Variants in PTPRU observed in about 807,000 individuals in gnomAD.
PTPRU encodes the protein receptor-type tyrosine-protein phosphatase U.
PTPRU carries 69 observed loss-of-function variants against 166.3 expected under a neutral mutation model. That is an observed-to-expected ratio of 0.41 (90% CI 0.34 to 0.51). The LOEUF (loss-of-function observed/expected upper bound fraction) is 0.51. Ranked by LOEUF, PTPRU falls within the 20% of genes least tolerant of loss-of-function variation. The pLI is 0.09. For synonymous variants in PTPRU, 793 were observed against 814.0 expected, an observed-to-expected ratio of 0.97 and a Z score of 0.44; for missense variants, 1,657 against 2,013.7, an observed-to-expected ratio of 0.82 and a Z score of 3.39.
At chr1:29,242,902 C>CTT (rs778731913) in intron 1 of PTPRU, among the ~76,000 whole-genome samples, 3 of 144,466 alleles carry the variant, frequency 2.1e-5, no homozygotes, top group Non-Finnish European at 4.6e-5. Context: ...CTCTCGGTTT[C>CTT]TTTTTTTTTT....
At chr1:29,303,011 A>G (rs1015704704) in intron 15 of PTPRU, among the ~76,000 whole-genome samples, 1 of 152,224 alleles carries the variant, frequency 6.6e-6, no homozygotes, top group South Asian at 2.1e-4. Flanking sequence ...AGGCTCTACT[A>G]TCTGAGTTTG....
Position 29,315,913 on chromosome 1 carries a change from G to A in PTPRU, c.3364-89G>A, listed in dbSNP as rs1316060207. ...GTTGGCCTCCACCTCAGGACACCCT[G>A]CTTCAACCTTGAGCTTGCTTAAGCC... On this transcript the variant is annotated intron_variant, in intron 23 of 29. Transcript: ENST00000373779. The surrounding 1 kb of genome is among the most constrained non-coding windows in gnomAD (Gnocchi z 4.5). The A allele has an allele frequency of 5.6e-5, 84 of 1,494,698 alleles. No individual in the cohort carries two copies. The highest frequency in any genetic ancestry group is 7.5e-5 in the Non-Finnish European group (83 of 1,100,308). 92.6% of individuals were successfully genotyped at this position (1,494,698 alleles called of 1,614,324 possible).
At chr1:29,242,901 TC>T (rs1314077304) in intron 1 of PTPRU, among the ~76,000 whole-genome samples, 1 of 151,790 alleles carries the variant, frequency 6.6e-6, no homozygotes, top group Non-Finnish European at 1.5e-5. Context: ...GCTCTCGGTT[TC>T]TTTTTTTTTT....
chr1:29,267,579 G>A (rs1184554872), intron 7 of PTPRU, among the ~76,000 whole-genome samples: 1 of 152,174 alleles, frequency 6.6e-6, no homozygotes, highest in Non-Finnish European at 1.5e-5. Flanking sequence ...ACAAAGGCCT[G>A]GAGGCTGGAG....
chr1:29,246,590 C>T (rs1203013383), intron 1 of PTPRU, among the ~76,000 whole-genome samples: 11 of 152,076 alleles, frequency 7.2e-5, no homozygotes, highest in Non-Finnish European at 1.6e-4. Context: ...AGAGCCCTTG[C>T]GTTGAATCCA....
rs548252511 is a variant in PTPRU at position 29,300,424 on chromosome 1, A to G, written c.2477-3431A>G. 1.3e-5 allele frequency among the ~76,000 whole-genome samples: 2 copies of G among 152,330 alleles called. 1 individual carries two copies. The highest frequency in any genetic ancestry group is 4.1e-4 in the South Asian group (2 of 4,824). ...CCTGTTTGTTTTTGTTTAAACCAGA[A>G]TTTCACAGACTCCTTTAAAACACAG... On this transcript the variant is annotated intron_variant, in intron 15 of 29. Transcript: ENST00000373779.
intron 15 of PTPRU, among the ~76,000 whole-genome samples, chr1:29,293,089 C>T (rs568471773): frequency 6.6e-6 from 1 of 152,236 alleles, no homozygotes; most frequent in Admixed American, 6.5e-5. Context: ...GAGCAATTCT[C>T]CTGGCTCAGC....
Position 29,275,463 on chromosome 1 carries a change from C to T in PTPRU, c.1160C>T (p.Pro387Leu). The change falls in exon 8 of 30, where the codon CCC becomes CTC. Residue 387 changes from proline to leucine, a missense_variant. By Grantham distance (98) the Pro-to-Leu change is moderately conservative. Transcript: ENST00000373779. ...CATTCTCCAGAGCCCATGAGGGCCC[C>T]CAAAGGCCTGGCTTTTGCTGAGATC... ...RTKCAEPMRAPKGLAFAEIQA... is the reference protein window; with the variant it reads ...RTKCAEPMRALKGLAFAEIQA... 1 of 1,613,778 alleles carries T rather than the reference C, an allele frequency of 6.2e-7. No homozygotes were observed.
chr1:29,297,153 C>T (rs1393062716), intron 15 of PTPRU, among the ~76,000 whole-genome samples: 1 of 147,516 alleles, frequency 6.8e-6, no homozygotes, highest in South Asian at 2.2e-4. Context: ...CTCCCGGGTT[C>T]AAGTGATTCT....
rs1285863998 is a variant in PTPRU at position 29,236,773 on chromosome 1, G to A, written c.73+56G>A. On this transcript the variant is annotated intron_variant, in intron 1 of 29. Coordinates refer to ENST00000373779, the MANE Select transcript of PTPRU (RefSeq NM_133178.4). This position sits in a 1 kb window ranked among gnomAD's most constrained non-coding sequence, Gnocchi z 4.6. The stretch of plus-strand genomic sequence containing the variant: ...CCCGCCGAGCCTCGGGGCCCGTGGC[G>A]TAGCTCGGAAGAAAGTGTGAGTGTT... The A allele has an allele frequency of 1.3e-5, 17 of 1,356,920 alleles. No individual in the cohort carries two copies. Among genetic ancestry groups the A allele is most frequent in the South Asian group, 4.9e-5 (3 of 61,628 alleles). 84.1% of individuals were successfully genotyped at this position (1,356,920 alleles called of 1,614,324 possible).
chr1:29,316,019 T>C lies in PTPRU; in HGVS notation c.3381T>C (p.Ile1127=). 3 of 1,614,090 alleles carry C rather than the reference T, an allele frequency of 1.9e-6. No homozygotes were observed. Among genetic ancestry groups the C allele is most frequent in the Non-Finnish European group, 2.5e-6 (3 of 1,179,986 alleles). ...TGTTCCAGGAGCAGTACATCTTCAT[T>C]CATGATGCAATCCTGGAGGCCTGCC... ...MIQTEEQYIF[I]HDAILEACLC... Residue 1127 remains isoleucine, a synonymous_variant, in exon 24 of 30, where the codon ATT becomes ATC. Coordinates refer to ENST00000373779, the MANE Select transcript of PTPRU (RefSeq NM_133178.4).
intron 18 of PTPRU, 99 bp from the exon 19 acceptor site, chr1:29,310,645 G>A (rs540299745): frequency 8.4e-5 from 107 of 1,271,018 alleles, no homozygotes; most frequent in Admixed American, 4.9e-4. Context: ...TTCCCTGGTG[G>A]GGTAGGGGTT....
chr1:29,242,264 G>A (rs756698682), intron 1 of PTPRU, among the ~76,000 whole-genome samples: 4 of 152,166 alleles, frequency 2.6e-5, no homozygotes, highest in Non-Finnish European at 5.9e-5. Flanking sequence ...TATCCAGGAT[G>A]TGTCCACAAG....
In PTPRU at chr1:29,315,220, G is replaced by C; in HGVS notation, c.3228-152G>C. The C allele has an allele frequency of 2.2e-6, 2 of 916,596 alleles. No individual in the cohort carries two copies. The highest frequency in any genetic ancestry group is 1.7e-5 in the South Asian group (1 of 60,576). 56.8% of individuals were successfully genotyped at this position (916,596 alleles called of 1,614,324 possible). On this transcript the variant is annotated intron_variant, in intron 22 of 29. Transcript: ENST00000373779. The surrounding 1 kb of genome is among the most constrained non-coding windows in gnomAD (Gnocchi z 4.5). ...AGAGCTCTTCCATCCAGCAGCCTGC[G>C]TCCTGGCTCCTTACTCGGGGAGGGG... is the stretch of plus-strand genomic sequence containing the variant.
Position 29,311,848 on chromosome 1 carries a change from G to A in PTPRU, c.3072+89G>A, listed in dbSNP as rs1687680985. 1 of 1,313,422 alleles carries A rather than the reference G, an allele frequency of 7.6e-7. No individual in the cohort carries two copies. The highest frequency in any genetic ancestry group is 1.1e-6 in the Non-Finnish European group (1 of 927,976). The allele number at this position is 1,313,422 out of a possible 1,614,324, so 81.4% of individuals were successfully genotyped here. On this transcript the variant is annotated intron_variant, in intron 21 of 29. Transcript: ENST00000373779. This position sits in a 1 kb window ranked among gnomAD's most constrained non-coding sequence, Gnocchi z 4.1. Reference sequence around the variant, plus strand: ...ACTTCCCCCAGCCCTGGGAGCAGGAGGGTGAGGAGCGCACCACTGCCCATC... The same window carrying A: ...ACTTCCCCCAGCCCTGGGAGCAGGAAGGTGAGGAGCGCACCACTGCCCATC...
intron 1 of PTPRU, among the ~76,000 whole-genome samples, chr1:29,249,544 C>T (rs1684456358): frequency 6.6e-6 from 1 of 152,240 alleles, no homozygotes; most frequent in Non-Finnish European, 1.5e-5. Flanking sequence ...TCTGAGGCTG[C>T]ATCCCCAGGC....
rs1167302834 is a variant in PTPRU, at chr1:29,316,153, T to G, written c.3513+2T>G. 6.2e-7 allele frequency: 1 copy of G among 1,613,180 alleles called. No homozygotes were observed. Among genetic ancestry groups the G allele is most frequent in the Admixed American group, 1.7e-5 (1 of 59,938 alleles). On this transcript the variant is annotated splice_donor_variant, in intron 24 of 29. Transcript: ENST00000373779. LOFTEE classifies it high-confidence loss of function. The stretch of plus-strand genomic sequence containing the variant: ...TCCCAGCTGCGGGAAGAGTTCCAGG[T>G]GGGGGATGAGTGCGTGTGTATAGGT...
intron 4 of PTPRU, 27 bp from the exon 5 acceptor site, chr1:29,259,422 G>A (rs374394490): frequency 7.5e-6 from 12 of 1,607,640 alleles, no homozygotes; most frequent in Admixed American, 1.7e-5. Flanking sequence ...TGCAGGCCCA[G>A]CTCACGATGC....
intron 21 of PTPRU, 62 bp from the exon 22 acceptor site, chr1:29,312,490 A>T (rs1687710121): frequency 6.9e-7 from 1 of 1,448,924 alleles, no homozygotes; most frequent in Admixed American, 2.0e-5. Context: ...GGCACACAGC[A>T]GGTGTCTAAT....
Sources: allele counts gnomAD v4.1 joint callset (sites outside exome capture counted in the v4.1 genomes callset), GRCh38; gene constraint gnomAD v4.1.1; non-coding constraint Gnocchi (gnomAD v3.1); transcripts MANE v1.5; gene names NCBI Gene and HGNC (gene_info 2026-07-23, HGNC 2026-07-21).